The following ADAMTS13 variants were observed in gnomAD, a reference collection of about 807,000 sequenced individuals.
ADAMTS13 encodes ADAM metallopeptidase with thrombospondin type 1 motif 13.
Under a neutral mutation model 155.1 loss-of-function variants are expected in ADAMTS13, and 110 were observed. The ratio of observed to expected loss-of-function variants is 0.71; its 90% CI spans 0.61 to 0.83. The LOEUF is 0.83. ADAMTS13 is among the 40% of genes least tolerant of loss of function. The probability of loss-of-function intolerance (pLI) is 0.00; values close to 1 mark genes in which losing one functional copy is unlikely to be tolerated. For missense variants in ADAMTS13, 1,707 were observed against 1,891.7 expected (o/e 0.90, Z 1.81); for synonymous variants, 758 against 756.4 (o/e 1.00, Z -0.03).
chr9:133,440,196 G>A lies in ADAMTS13; in HGVS notation c.1787-148G>A, dbSNP rs1554790282. 2.1e-6 allele frequency: 2 copies of A among 949,292 alleles called. No individual in the cohort carries two copies. The highest frequency in any genetic ancestry group is 3.3e-6 in the Non-Finnish European group (2 of 608,846). 58.8% of individuals were successfully genotyped at this position (949,292 alleles called of 1,614,324 possible). A position where few individuals can be genotyped will look rare whatever the true frequency, so the allele number is the denominator to read the frequency against. Reference sequence around the variant, plus strand: ...ACCAGGTTGTGGAAAGAGGCCTAGAGCCTCCGCTGTGGGGAAGCCTCTAGC... The same window carrying A: ...ACCAGGTTGTGGAAAGAGGCCTAGAACCTCCGCTGTGGGGAAGCCTCTAGC... On this transcript the variant is annotated intron_variant, in intron 15 of 28. Transcript: ENST00000355699. The surrounding 1 kb of genome is among the most constrained non-coding windows in gnomAD (Gnocchi z 4.3).
At position 133,433,709 on chromosome 9, in the gene ADAMTS13, G is replaced by C; in HGVS notation, c.1308+5G>C. On this transcript the variant is annotated splice_donor_5th_base_variant and intron_variant, in intron 11 of 28. Transcript: ENST00000355699. ...GCCGAGATGTGCAACACTCAGGTAG[G>C]CCTGCTTCCTGGGGTAGGAGGGGGC... 1.2e-6 allele frequency: 2 copies of C among 1,612,946 alleles called. No individual in the cohort carries two copies.
chr9:133,422,358 G>A (rs1840007414), upstream of ADAMTS13: 5 of 1,259,634 alleles, frequency 4.0e-6, no homozygotes, highest in Non-Finnish European at 4.6e-6. Flanking sequence ...TAGTGAGCAG[G>A]CCTGTCCCAT....
chr9:133,417,136 C>A (rs28735241), upstream of ADAMTS13, among the ~76,000 whole-genome samples: 44 of 152,316 alleles, frequency 2.9e-4, no homozygotes, highest in East Asian at 7.3e-3. Flanking sequence ...TCAGGCTCCC[C>A]GAGTAGCTGC....
At chr9:133,422,077 T>C (rs1333404461), upstream of ADAMTS13, 3 of 292,192 alleles carry the variant, frequency 1.0e-5, no homozygotes, top group Non-Finnish European at 1.3e-5. Flanking sequence ...GCCGAGGTCC[T>C]GGCATTCCTT....
Position 133,425,365 on chromosome 9 carries a change from T to C in ADAMTS13, c.331-164T>C, listed in dbSNP as rs1378110423. On this transcript the variant is annotated intron_variant, in intron 3 of 28. Transcript: ENST00000355699. This position sits in a 1 kb window ranked among gnomAD's most constrained non-coding sequence, Gnocchi z 4.6. ...GAGGAGCAACAGAGGCACGGCTGACTGTGCAGCACATTTTAGGAGCCCCCC... is the reference window on the plus strand; with the variant it reads ...GAGGAGCAACAGAGGCACGGCTGACCGTGCAGCACATTTTAGGAGCCCCCC... Among the ~76,000 whole-genome samples the C allele has an allele frequency of 1.3e-5, 2 of 152,192 alleles. No homozygotes were observed. The highest frequency in any genetic ancestry group is 2.1e-4 in the South Asian group (1 of 4,826).
In ADAMTS13 at chr9:133,424,518, A is replaced by G. The variant is rs1554784703; in HGVS notation, c.330+40A>G. The G allele has an allele frequency of 6.3e-7, 1 of 1,587,192 alleles. No individual in the cohort carries two copies. Among genetic ancestry groups the G allele is most frequent in the South Asian group, 1.1e-5 (1 of 88,056 alleles). On this transcript the variant is annotated intron_variant, in intron 3 of 28. Transcript: ENST00000355699. This position sits in a 1 kb window ranked among gnomAD's most constrained non-coding sequence, Gnocchi z 4.3. ...CTGGACTGTGCAGGTCCCCACGGCC[A>G]GGGCTGGTGACCAATGTCTGTGGGC...
At chr9:133,433,829 C>A (rs1241699235) in intron 11 of ADAMTS13, 125 bp downstream of exon 11, 9 of 1,183,366 alleles carry the variant, frequency 7.6e-6, no homozygotes, top group Non-Finnish European at 1.1e-5. Flanking sequence ...GGTGAGGTGG[C>A]TTATGCCTGT....
At chr9:133,452,686 T>A (rs1213875309) in intron 23 of ADAMTS13, among the ~76,000 whole-genome samples, 1 of 152,034 alleles carries the variant, frequency 6.6e-6, no homozygotes, top group Non-Finnish European at 1.5e-5. Flanking sequence ...TCCCCTCACT[T>A]TTTTTTAGAG....
rs781964102 is a variant in ADAMTS13, at chr9:133,442,551, G to C, written c.2104+17G>C. On this transcript the variant is annotated intron_variant, in intron 17 of 28. Transcript: ENST00000355699. ...GTGGGGCAGGTGAGACCTGGGGAAG[G>C]CTCATCCACAGCACGGCTTGCCCCT... 1.4e-5 allele frequency: 23 copies of C among 1,613,474 alleles called. No individual in the cohort carries two copies. Among genetic ancestry groups the C allele is most frequent in the Non-Finnish European group, 1.9e-5 (23 of 1,180,020 alleles).
rs2285489 is a variant in ADAMTS13, at chr9:133,424,254, T to C, written c.173-67T>C. 0.64 allele frequency: 1,018,025 copies of C among 1,601,052 alleles called. 327,527 individuals are homozygous for C. The highest frequency in any genetic ancestry group is 0.85 in the East Asian group (38,213 of 44,800). On this transcript the variant is annotated intron_variant, in intron 2 of 28. Coordinates refer to ENST00000355699, the MANE Select transcript of ADAMTS13 (RefSeq NM_139027.6). This position sits in a 1 kb window ranked among gnomAD's most constrained non-coding sequence, Gnocchi z 4.3. ...ATCCTTCCAAGACCTGCCAGCCCCT[T>C]TCCTGTTAGCTTTCCACTGCTTGCT...
chr9:133,423,807 G>A (rs781969341), intron 2 of ADAMTS13, among the ~76,000 whole-genome samples: 5 of 152,252 alleles, frequency 3.3e-5, no homozygotes, highest in East Asian at 3.8e-4. Context: ...GGATGCAGCC[G>A]ACGCTGTCTG....
intron 14 of ADAMTS13, among the ~76,000 whole-genome samples, chr9:133,438,649 C>T (rs2130856322): frequency 6.6e-6 from 1 of 152,272 alleles, no homozygotes; most frequent in Non-Finnish European, 1.5e-5. Flanking sequence ...GCGCTGTGCT[C>T]ACGCCTGTAC....
chr9:133,422,290 G>C (rs887943869), upstream of ADAMTS13: 2 of 735,500 alleles, frequency 2.7e-6, no homozygotes, highest in Admixed American at 4.3e-5. Context: ...CCCTAGCCAC[G>C]GCCCCTGCCC....
chr9:133,455,177 C>A lies in ADAMTS13; in HGVS notation c.3250-108C>A, dbSNP rs1469249725. ...GTGGAATGGAGACACTTAACTGCCT[C>A]CCAGCTTGTACAAGGATTATATTGG... On this transcript the variant is annotated intron_variant, in intron 24 of 28. Transcript: ENST00000355699. The A allele has an allele frequency of 4.6e-6, 6 of 1,292,890 alleles. No homozygotes were observed. In the East Asian group the frequency reaches 1.2e-4, roughly 25 times the overall value. 80.1% of individuals were successfully genotyped at this position (1,292,890 alleles called of 1,614,324 possible). A position where few individuals can be genotyped will look rare whatever the true frequency, so the allele number is the denominator to read the frequency against.
At position 133,445,796 on chromosome 9, in the gene ADAMTS13, C is replaced by G. The variant is rs78977446; in HGVS notation, c.2708C>G (p.Ser903Trp). The G allele has an allele frequency of 6.3e-7, 1 of 1,590,322 alleles. No individual in the cohort carries two copies. The highest frequency in any genetic ancestry group is 8.6e-7 in the Non-Finnish European group (1 of 1,162,582). Residue 903 changes from serine (S) to tryptophan (W), a missense_variant, in exon 21 of 29, where the codon TCG becomes TGG. Around this residue, in one of 3 missense-constraint regions of ADAMTS13, gnomAD observed 961 missense variants for 1,107.9 expected, o/e 0.87. Transcript: ENST00000355699. The surrounding 1 kb of genome is among the most constrained non-coding windows in gnomAD (Gnocchi z 5.0). ...AAHVWTPAAG[S>W]CSVSCGRGLM... is the part of the protein sequence containing the mutation. ...CACGTGTGGACCCCTGCGGCAGGGT[C>G]GTGCTCCGTCTCCTGCGGGCGAGGT... is the stretch of plus-strand genomic sequence containing the variant.
At chr9:133,429,671 C>G (rs1554786473) in intron 7 of ADAMTS13, 1 of 662,822 alleles carries the variant, frequency 1.5e-6, no homozygotes, top group Non-Finnish European at 2.8e-6. Flanking sequence ...GCTCCCGGGC[C>G]TAACCTGCAT....
At chr9:133,422,330 C>A, upstream of ADAMTS13, 2 of 1,051,830 alleles carry the variant, frequency 1.9e-6, no homozygotes, top group Non-Finnish European at 2.9e-6. Context: ...GTAAACACTG[C>A]CTAATCGTCC....
Position 133,456,717 on chromosome 9 carries a change from G to T in ADAMTS13, c.3722G>T (p.Arg1241Ile). Residue 1241 changes from arginine (R) to isoleucine (I), a missense_variant and splice_region_variant, in exon 27 of 29, where the codon AGA becomes ATA. Arg to Ile is a moderately conservative substitution (Grantham distance 97). This residue lies in a region of ADAMTS13 where 961 missense variants were observed against 1,107.9 expected (regional missense o/e 0.87). Transcript: ENST00000355699. The surrounding 1 kb of genome is among the most constrained non-coding windows in gnomAD (Gnocchi z 4.4). ...CAGCTTGCTCCTGAAACCTTCTACA[G>T]AGGTATGGCCAGGCCTTCTCCACCT... ...GSQLAPETFY[R>I]ECDMQLFGPW... is the part of the protein sequence containing the mutation. The T allele has an allele frequency of 6.4e-7, 1 of 1,560,970 alleles. No homozygotes were observed. The highest frequency in any genetic ancestry group is 8.7e-7 in the Non-Finnish European group (1 of 1,151,770).
rs781977102 is a variant in ADAMTS13, at chr9:133,436,886, C to G, written c.1366C>G (p.Gln456Glu). ...MSQQCARTDGQPLRSSPGGAS... is the reference protein window; with the variant it reads ...MSQQCARTDGEPLRSSPGGAS... ...GCAACAGTGCGCCAGGACCGACGGC[C>G]AGCCGCTGCGCTCCTCCCCTGGCGG... Residue 456 changes from glutamine to glutamate, a missense_variant, in exon 12 of 29, where the codon CAG becomes GAG. Around this residue, in one of 3 missense-constraint regions of ADAMTS13, gnomAD observed 733 missense variants for 749.6 expected, o/e 0.98. Coordinates refer to ENST00000355699, the MANE Select transcript of ADAMTS13 (RefSeq NM_139027.6). 1.9e-6 allele frequency: 3 copies of G among 1,587,358 alleles called. No homozygotes were observed. The East Asian group carries it at 6.8e-5, about 36-fold the overall frequency.
Sources: allele counts gnomAD v4.1 joint callset (sites outside exome capture counted in the v4.1 genomes callset), GRCh38; gene constraint gnomAD v4.1.1; regional missense constraint gnomAD v4.1.1; non-coding constraint Gnocchi (gnomAD v3.1); transcripts MANE v1.5; gene names NCBI Gene and HGNC (gene_info 2026-07-23, HGNC 2026-07-21).